Variants in CPNE4 observed in about 807,000 individuals in gnomAD.
CPNE4 encodes the protein copine 4.
CPNE4 carries 25 observed loss-of-function variants against 67.9 expected under a neutral mutation model. The observed-to-expected ratio is 0.37, with a 90% CI of 0.27 to 0.51. CPNE4 has a LOEUF of 0.51. CPNE4 is among the 20% of genes least tolerant of loss of function. CPNE4 has a pLI of 0.93. For missense variants in CPNE4, 464 were observed against 690.8 expected, an observed-to-expected ratio of 0.67 and a Z score of 3.68; for synonymous variants, 242 against 244.9, an observed-to-expected ratio of 0.99 and a Z score of 0.11.
intron 1 of CPNE4, among the ~76,000 whole-genome samples, chr3:132,021,418 C>T (rs1239892736): frequency 6.6e-6 from 1 of 152,080 alleles, no homozygotes; most frequent in Admixed American, 6.5e-5. Flanking sequence ...TATATGTTTC[C>T]TATGTAGGTT....
chr3:131,788,711 A>G (rs920190209), intron 2 of CPNE4, among the ~76,000 whole-genome samples: 1 of 152,126 alleles, frequency 6.6e-6, no homozygotes, highest in Admixed American at 6.6e-5. Flanking sequence ...TTAAATAATG[A>G]TTTATCCAAT....
chr3:131,822,326 A>G (rs918630631), intron 2 of CPNE4, among the ~76,000 whole-genome samples: 3 of 152,214 alleles, frequency 2.0e-5, no homozygotes, highest in Non-Finnish European at 4.4e-5. Flanking sequence ...TCCCTAACTC[A>G]GTTTCCCTTA....
chr3:131,686,210 C>A (rs1212955765), intron 5 of CPNE4, among the ~76,000 whole-genome samples: 1 of 152,184 alleles, frequency 6.6e-6, no homozygotes, highest in African/African-American at 2.4e-5. Context: ...GAATGGACTG[C>A]ATCTGAAAGC....
chr3:131,975,521 G>A (rs1028009857), intron 1 of CPNE4, among the ~76,000 whole-genome samples: 8 of 152,152 alleles, frequency 5.3e-5, no homozygotes, highest in African/African-American at 1.9e-4. Flanking sequence ...AGTGCAGCTG[G>A]CTCTAACTTC....
chr3:131,606,738 C>A (rs1407128503), intron 7 of CPNE4, among the ~76,000 whole-genome samples: 1 of 152,128 alleles, frequency 6.6e-6, no homozygotes, highest in Non-Finnish European at 1.5e-5. Context: ...GGGTTCTCCT[C>A]ACTGCAGAAT....
chr3:131,937,484 T>C (rs1400879422), intron 1 of CPNE4, among the ~76,000 whole-genome samples: 2 of 152,202 alleles, frequency 1.3e-5, no homozygotes, highest in African/African-American at 2.4e-5. Context: ...ATTACAGATA[T>C]ATTGTAATTT....
chr3:131,924,354 G>C (rs913662246), intron 1 of CPNE4, among the ~76,000 whole-genome samples: 5 of 152,156 alleles, frequency 3.3e-5, no homozygotes, highest in African/African-American at 1.2e-4. Flanking sequence ...CGTGAACTTA[G>C]CTCAAGCACT....
chr3:131,943,571 C>T (rs1344335242), intron 1 of CPNE4, among the ~76,000 whole-genome samples: 1 of 152,034 alleles, frequency 6.6e-6, no homozygotes, highest in African/African-American at 2.4e-5. Context: ...TCTCCCCCAC[C>T]CTTCTCTCCA....
At chr3:132,020,982 G>A (rs1275410924) in intron 1 of CPNE4, among the ~76,000 whole-genome samples, 2 of 152,124 alleles carry the variant, frequency 1.3e-5, no homozygotes, top group South Asian at 2.1e-4. Flanking sequence ...TTTCTCTCCA[G>A]GTAAGATTCT....
chr3:131,799,473 AATT>A (rs1237584168), intron 2 of CPNE4, among the ~76,000 whole-genome samples: 1 of 152,090 alleles, frequency 6.6e-6, no homozygotes, highest in Non-Finnish European at 1.5e-5. Context: ...TGGAAAAGAT[AATT>A]ATTTTCTACC....
intron 2 of CPNE4, among the ~76,000 whole-genome samples, chr3:131,799,820 T>C (rs1177878893): frequency 1.3e-5 from 2 of 152,208 alleles, no homozygotes; most frequent in East Asian, 3.9e-4. Context: ...TATTGCTGTC[T>C]CTATCATCAA....
chr3:131,854,183 A>G (rs1189445982), intron 2 of CPNE4, among the ~76,000 whole-genome samples: 3 of 151,944 alleles, frequency 2.0e-5, no homozygotes, highest in Admixed American at 6.6e-5. Flanking sequence ...ATATCCAAAT[A>G]ATAGAATACT....
chr3:131,564,461 A>C, intron 10 of CPNE4, 112 bp from the exon 11 acceptor site: 2 of 906,182 alleles, frequency 2.2e-6, no homozygotes, highest in Non-Finnish European at 3.3e-6. Flanking sequence ...AGCACATTAC[A>C]TACCCTGCCA....
chr3:132,037,286 C>A (rs554727764), upstream of CPNE4, among the ~76,000 whole-genome samples: 1 of 20,836 alleles, frequency 4.8e-5, no homozygotes, highest in African/African-American at 4.9e-4. Flanking sequence ...CATGCCAGTG[C>A]GCAGAAAACG....
chr3:131,763,164 T>C (rs2082931320), intron 2 of CPNE4, among the ~76,000 whole-genome samples: 1 of 152,128 alleles, frequency 6.6e-6, no homozygotes, highest in Admixed American at 6.6e-5. Context: ...CATTTTATCC[T>C]CTTGCACAAT....
Position 131,649,499 on chromosome 3 carries a change from A to G in CPNE4, c.681+20176T>C, listed in dbSNP as rs146419472. On this transcript the variant is annotated intron_variant, in intron 7 of 15. Coordinates refer to ENST00000429747, the MANE Select transcript of CPNE4 (RefSeq NM_130808.3). Reference sequence around the variant, plus strand: ...GCACACTATAGGGCCAGTTGGATGCAACAATCACAACAATAACAACAAAAG... The same window carrying G: ...GCACACTATAGGGCCAGTTGGATGCGACAATCACAACAATAACAACAAAAG... Among the ~76,000 whole-genome samples, 473 of 152,344 alleles carry G rather than the reference A, an allele frequency of 3.1e-3. 2 individuals carry two copies. The highest frequency in any genetic ancestry group is 0.011 in the African/African-American group (445 of 41,580).
chr3:132,001,946 G>A (rs2073462708), intron 1 of CPNE4, among the ~76,000 whole-genome samples: 1 of 152,046 alleles, frequency 6.6e-6, no homozygotes, highest in African/African-American at 2.4e-5. Context: ...TGTTGAGTAG[G>A]GGTTTTGTGT....
At chr3:131,765,272 A>C (rs1649286724) in intron 2 of CPNE4, among the ~76,000 whole-genome samples, 1 of 152,168 alleles carries the variant, frequency 6.6e-6, no homozygotes, top group Non-Finnish European at 1.5e-5. Context: ...GCTGGAACCA[A>C]GCATTTCTTT....
At chr3:131,564,116 G>A (rs1341071217) in intron 11 of CPNE4, 100 bp downstream of exon 11, 2 of 1,375,548 alleles carry the variant, frequency 1.5e-6, no homozygotes, top group Admixed American at 1.7e-5. Context: ...TACATAAGGA[G>A]CTACTAGACT....
Sources: allele counts gnomAD v4.1 joint callset (sites outside exome capture counted in the v4.1 genomes callset), GRCh38; gene constraint gnomAD v4.1.1; transcripts MANE v1.5; gene names NCBI Gene and HGNC (gene_info 2026-07-23, HGNC 2026-07-21).